The following EXOC4 variants were observed in gnomAD, a reference collection of about 807,000 sequenced individuals.
EXOC4 encodes SEC8-like 1.
A neutral mutation model predicts 107.2 loss-of-function variants in EXOC4; 71 were observed. The observed-to-expected ratio is 0.66, with a 90% confidence interval of 0.55 to 0.81. The LOEUF (loss-of-function observed/expected upper bound fraction) is 0.81. EXOC4 is among the 30% of genes least tolerant of loss of function. The pLI, the probability that EXOC4 is intolerant of heterozygous loss-of-function variation, is 0.00. For synonymous variants in EXOC4, 456 were observed against 441.2 expected, an observed-to-expected ratio of 1.03 and a Z score of -0.42; for missense variants, 1,108 against 1,189.6, an observed-to-expected ratio of 0.93 and a Z score of 1.01.
intron 9 of EXOC4, among the ~76,000 whole-genome samples, chr7:133,511,615 A>T (rs1415840595): frequency 6.6e-6 from 1 of 152,082 alleles, no homozygotes; most frequent in Non-Finnish European, 1.5e-5. Context: ...CCTTATTCCA[A>T]TGTGGCATAT....
At chr7:133,889,238 G>C (rs890837159) in intron 11 of EXOC4, among the ~76,000 whole-genome samples, 1 of 152,158 alleles carries the variant, frequency 6.6e-6, no homozygotes, top group Admixed American at 6.5e-5. Context: ...TATCTTGTGA[G>C]TGTCAAGAAT....
chr7:134,036,144 A>C (rs1421024967), intron 17 of EXOC4, among the ~76,000 whole-genome samples: 1 of 152,212 alleles, frequency 6.6e-6, no homozygotes, highest in Admixed American at 6.5e-5. Context: ...TATTACAGAC[A>C]AGTTGTCTGT....
rs1323797533 is a variant in EXOC4, at chr7:133,953,442, A to G, written c.2206+15373A>G. ...GGGAGACCTCATCTCTACAAAAAAG[A>G]AAAAAAAAATTAATTAGCCAGGTGT... On this transcript the variant is annotated intron_variant, in intron 14 of 17. Coordinates refer to ENST00000253861, the MANE Select transcript of EXOC4 (RefSeq NM_021807.4). 2.0e-5 allele frequency among the ~76,000 whole-genome samples: 3 copies of G among 147,012 alleles called. 1 individual carries two copies. The highest frequency in any genetic ancestry group is 1.3e-4 in the Admixed American group (2 of 14,926).
intron 10 of EXOC4, among the ~76,000 whole-genome samples, chr7:133,813,119 A>T (rs962097242): frequency 2.0e-5 from 3 of 152,126 alleles, no homozygotes; most frequent in African/African-American, 7.2e-5. Context: ...TGTGAGATGG[A>T]TGTGTATGCT....
chr7:133,706,469 C>T (rs1393391615), intron 10 of EXOC4, among the ~76,000 whole-genome samples: 1 of 152,074 alleles, frequency 6.6e-6, no homozygotes, highest in African/African-American at 2.4e-5. Context: ...GACTAAGAGC[C>T]CTCTCTGATA....
intron 9 of EXOC4, among the ~76,000 whole-genome samples, chr7:133,613,104 TATGTC>T (rs1332125393): frequency 2.0e-5 from 3 of 151,894 alleles, no homozygotes; most frequent in Non-Finnish European, 2.9e-5. Context: ...TAAAAAAAGA[TATGTC>T]ATGAATGCAC....
intron 6 of EXOC4, among the ~76,000 whole-genome samples, chr7:133,361,752 A>C (rs1393254233): frequency 1.3e-5 from 2 of 152,194 alleles, no homozygotes; most frequent in East Asian, 3.9e-4. Flanking sequence ...TCGTTTGTAT[A>C]AAAGTAACTT....
intron 10 of EXOC4, among the ~76,000 whole-genome samples, chr7:133,777,587 C>G (rs1358496980): frequency 1.3e-5 from 2 of 152,130 alleles, no homozygotes; most frequent in East Asian, 3.8e-4. Context: ...TGAGGATGCA[C>G]TGATTTGGAA....
chr7:133,954,596 TTG>T (rs1800771619), intron 14 of EXOC4, among the ~76,000 whole-genome samples: 1 of 152,258 alleles, frequency 6.6e-6, no homozygotes, highest in African/African-American at 2.4e-5. Flanking sequence ...TTGGAAATTG[TTG>T]TGTTACTGGA....
At chr7:133,603,054 T>C (rs928885009) in intron 9 of EXOC4, among the ~76,000 whole-genome samples, 2 of 152,208 alleles carry the variant, frequency 1.3e-5, no homozygotes, top group African/African-American at 4.8e-5. Context: ...TGCAGGATTT[T>C]AGAAATCAAG....
chr7:133,712,834 T>C (rs1362233078), intron 10 of EXOC4, among the ~76,000 whole-genome samples: 5 of 152,176 alleles, frequency 3.3e-5, no homozygotes, highest in Non-Finnish European at 7.3e-5. Flanking sequence ...ACCATTATAC[T>C]AAGTGAAAAA....
intron 13 of EXOC4, among the ~76,000 whole-genome samples, chr7:133,935,990 A>G (rs1449192443): frequency 6.6e-6 from 1 of 152,214 alleles, no homozygotes; most frequent in Admixed American, 6.5e-5. Flanking sequence ...GTCACACAAC[A>G]AGCAAGTGGC....
chr7:133,981,218 C>G, intron 14 of EXOC4, among the ~76,000 whole-genome samples: 1 of 152,148 alleles, frequency 6.6e-6, no homozygotes, highest in East Asian at 1.9e-4. Context: ...CTTCTTCTTC[C>G]AGATAAATCA....
chr7:133,298,645 T>A (rs1794575232), intron 3 of EXOC4, among the ~76,000 whole-genome samples: 1 of 152,212 alleles, frequency 6.6e-6, no homozygotes, highest in Admixed American at 6.5e-5. Context: ...CTTACCGTGT[T>A]ACGTATAGTT....
chr7:134,008,412 A>G (rs1412545256), intron 17 of EXOC4, among the ~76,000 whole-genome samples: 2 of 152,178 alleles, frequency 1.3e-5, no homozygotes, highest in African/African-American at 4.8e-5. Flanking sequence ...CTGAATAAAT[A>G]TTTCATGGTA....
At position 133,941,821 on chromosome 7, in the gene EXOC4, T is replaced by TTC. The variant is rs67720946; in HGVS notation, c.2206+3781_2206+3782dup. ...GTCAGGTCCCAGGCATGCTTACAGA[T>TTC]TCTCTCTCTCTCTCTCTCTCTCTCT... On this transcript the variant is annotated intron_variant, in intron 14 of 17. Coordinates refer to ENST00000253861, the MANE Select transcript of EXOC4 (RefSeq NM_021807.4). 6.8e-3 allele frequency among the ~76,000 whole-genome samples: 877 copies of TTC among 129,610 alleles called. 22 individuals are homozygous for TTC. The highest frequency in any genetic ancestry group is 0.029 in the South Asian group (115 of 3,950). The allele number at this position is 129,610 out of a possible 152,430, so 85.0% of individuals were successfully genotyped here.
At chr7:133,362,782 A>G (rs1796163165) in intron 6 of EXOC4, among the ~76,000 whole-genome samples, 1 of 152,224 alleles carries the variant, frequency 6.6e-6, no homozygotes, top group Non-Finnish European at 1.5e-5. Context: ...CTGTGGCTAG[A>G]TTCAGGCATG....
At chr7:133,894,417 CCT>C (rs1224566987) in intron 11 of EXOC4, among the ~76,000 whole-genome samples, 1 of 144,000 alleles carries the variant, frequency 6.9e-6, no homozygotes, top group African/African-American at 2.7e-5. Context: ...CTGAAGCCTT[CCT>C]CTCTCAGCTC....
At chr7:133,857,678 T>C (rs1798447070) in intron 11 of EXOC4, among the ~76,000 whole-genome samples, 2 of 151,564 alleles carry the variant, frequency 1.3e-5, no homozygotes, top group Non-Finnish European at 2.9e-5. Context: ...AGCTCCAGGC[T>C]CCGTGCAAGC....
Sources: gnomAD v4.1 joint callset for allele counts (sites outside exome capture counted in the v4.1 genomes callset) on GRCh38, gnomAD v4.1.1 for gene constraint, MANE v1.5 for transcripts, NCBI Gene and HGNC (gene_info 2026-07-23, HGNC 2026-07-21) for gene names.